The following STK32B variants were observed in gnomAD, a reference collection of about 807,000 sequenced individuals.
STK32B encodes serine/threonine-protein kinase 32B.
Under a neutral mutation model 52.6 loss-of-function variants are expected in STK32B, and 43 were observed. The observed-to-expected ratio is 0.82, with a 90% CI of 0.64 to 1.05. The LOEUF (loss-of-function observed/expected upper bound fraction) is 1.05, where lower values mean the gene tolerates loss of function less well. Among genes scored for constraint, STK32B ranks in the 50% least tolerant of loss-of-function variants. STK32B has a pLI of 0.00. For missense variants in STK32B, 621 were observed against 534.6 expected (o/e 1.16, Z -1.59); for synonymous variants, 238 against 204.3 (o/e 1.17, Z -1.41).
chr4:5,476,488 A>G (rs906761436), intron 11 of STK32B, among the ~76,000 whole-genome samples: 2 of 152,194 alleles, frequency 1.3e-5, no homozygotes, highest in African/African-American at 4.8e-5. Flanking sequence ...CACAGGGGCA[A>G]CTAGTAACTT....
intron 6 of STK32B, among the ~76,000 whole-genome samples, chr4:5,418,287 A>G (rs1277384047): frequency 9.2e-6 from 1 of 108,826 alleles, no homozygotes; most frequent in Non-Finnish European, 1.9e-5. Context: ...ATAACTTGGT[A>G]TGGAATTTGA....
chr4:5,207,578 A>C (rs1722648993), intron 3 of STK32B, among the ~76,000 whole-genome samples: 1 of 152,008 alleles, frequency 6.6e-6, no homozygotes, highest in African/African-American at 2.4e-5. Context: ...ACAGTATGAA[A>C]ATGGACTAAT....
chr4:5,028,674 C>T, the STK32B span, among the ~76,000 whole-genome samples: 3 of 152,178 alleles, frequency 2.0e-5, no homozygotes, highest in Admixed American at 2.0e-4. Flanking sequence ...GGAGAAGACC[C>T]AGAGTGATGT....
the STK32B span, among the ~76,000 whole-genome samples, chr4:5,036,813 G>A: frequency 2.6e-5 from 4 of 151,442 alleles, no homozygotes; most frequent in East Asian, 1.9e-4. Context: ...GATTACAGGC[G>A]CCCACCACCA....
chr4:5,348,844 T>TG (rs1245390408), intron 4 of STK32B, among the ~76,000 whole-genome samples: 1 of 152,132 alleles, frequency 6.6e-6, no homozygotes, highest in Non-Finnish European at 1.5e-5. Flanking sequence ...CCAAGGGACC[T>TG]GGGGGAATCA....
At chr4:5,495,963 G>A (rs1256414857) in intron 11 of STK32B, among the ~76,000 whole-genome samples, 5 of 152,112 alleles carry the variant, frequency 3.3e-5, no homozygotes, top group East Asian at 1.9e-4. Context: ...GTACCCGGCC[G>A]TGTGATGTGT....
the STK32B span, among the ~76,000 whole-genome samples, chr4:5,035,544 C>G: frequency 6.6e-6 from 1 of 152,090 alleles, no homozygotes. Flanking sequence ...ATAGGCTGCC[C>G]AAAGTGCTGC....
chr4:5,038,686 T>C, the STK32B span, among the ~76,000 whole-genome samples: 5 of 152,252 alleles, frequency 3.3e-5, no homozygotes, highest in East Asian at 7.7e-4. Context: ...TTGGATAGGG[T>C]ACTTACAATG....
At chr4:5,366,083 A>G (rs1734857941) in intron 4 of STK32B, among the ~76,000 whole-genome samples, 2 of 151,918 alleles carry the variant, frequency 1.3e-5, no homozygotes, top group Admixed American at 1.3e-4. Flanking sequence ...AAACTAGGCC[A>G]ACCTGTCAAT....
chr4:5,430,662 G>A (rs1056180937), intron 6 of STK32B, among the ~76,000 whole-genome samples: 44 of 152,112 alleles, frequency 2.9e-4, no homozygotes, highest in Non-Finnish European at 5.9e-5. Context: ...TTTATGCCTG[G>A]AAATGGACAT....
At chr4:5,249,422 TCTTCCTTCCTTCCTACCTAC>T (rs1290522813) in intron 3 of STK32B, among the ~76,000 whole-genome samples, 63 of 131,622 alleles carry the variant, frequency 4.8e-4, no homozygotes, top group African/African-American at 1.3e-3. Flanking sequence ...GCCTGTCTGT[TCTTCCTTCCTTCCTACCTAC>T]CTTCCTTCCT....
chr4:5,222,519 G>A (rs1374685011), intron 3 of STK32B, among the ~76,000 whole-genome samples: 4 of 151,708 alleles, frequency 2.6e-5, no homozygotes, highest in African/African-American at 9.7e-5. Context: ...AAGTGTAGAT[G>A]AGCAATGTCT....
intron 2 of STK32B, among the ~76,000 whole-genome samples, chr4:5,145,618 A>G (rs1404008867): frequency 6.6e-6 from 1 of 152,162 alleles, no homozygotes; most frequent in Admixed American, 6.5e-5. Flanking sequence ...AAAGCTTCAT[A>G]ATGTTTTACA....
At chr4:5,328,784 T>G (rs1484146342) in intron 3 of STK32B, among the ~76,000 whole-genome samples, 1 of 152,166 alleles carries the variant, frequency 6.6e-6, no homozygotes, top group Admixed American at 6.5e-5. Context: ...CTTCAATTTG[T>G]AAGAAAGTGA....
chr4:5,118,875 G>A (rs1714876729), intron 1 of STK32B, among the ~76,000 whole-genome samples: 1 of 152,154 alleles, frequency 6.6e-6, no homozygotes, highest in Non-Finnish European at 1.5e-5. Flanking sequence ...AGGGGCAGCA[G>A]AGGACCTGTG....
intron 9 of STK32B, among the ~76,000 whole-genome samples, chr4:5,464,294 C>T (rs184168763): frequency 6.6e-6 from 1 of 152,348 alleles, no homozygotes; most frequent in East Asian, 1.9e-4. Flanking sequence ...CAAGTTATGT[C>T]ACCTTCTGAA....
At chr4:5,304,830 T>C (rs1239658439) in intron 3 of STK32B, among the ~76,000 whole-genome samples, 1 of 152,162 alleles carries the variant, frequency 6.6e-6, no homozygotes, top group African/African-American at 2.4e-5. Flanking sequence ...GGGTTTGTCA[T>C]AGATGGCTTT....
At chr4:5,151,851 A>G (rs574177869) in intron 2 of STK32B, among the ~76,000 whole-genome samples, 2 of 152,294 alleles carry the variant, frequency 1.3e-5, no homozygotes, top group African/African-American at 4.8e-5. Flanking sequence ...TTGACTCTCC[A>G]GCATGCTTTT....
At chr4:5,466,500 G>A (rs921716137) in intron 9 of STK32B, among the ~76,000 whole-genome samples, 1 of 152,146 alleles carries the variant, frequency 6.6e-6, no homozygotes, top group Non-Finnish European at 1.5e-5. Flanking sequence ...GCCCCAGGGG[G>A]ACTATGTGTA....
Sources: gnomAD v4.1 joint callset for allele counts (sites outside exome capture counted in the v4.1 genomes callset) on GRCh38, gnomAD v4.1.1 for gene constraint, MANE v1.5 for transcripts, NCBI Gene and HGNC (gene_info 2026-07-23, HGNC 2026-07-21) for gene names.